SUSD6: variants seen among roughly 807,000 people sequenced by gnomAD.
SUSD6 encodes the protein sushi domain containing 6.
In SUSD6, 16 loss-of-function variants were observed where a neutral mutation model predicts 28.4. That is an observed-to-expected ratio of 0.56 (90% CI 0.38 to 0.86). The LOEUF is 0.86. Ranked by LOEUF, SUSD6 falls within the 40% of genes least tolerant of loss-of-function variation. SUSD6 has a pLI of 0.00. For synonymous variants in SUSD6, 147 were observed against 159.6 expected (o/e 0.92, Z 0.59); for missense variants, 341 against 384.2 (o/e 0.89, Z 0.94).
chr14:69,683,831 C>T (rs951540553), intron 2 of SUSD6, among the ~76,000 whole-genome samples: 1 of 152,190 alleles, frequency 6.6e-6, no homozygotes, highest in Non-Finnish European at 1.5e-5. Flanking sequence ...AGGTGGGCTG[C>T]AGGAAGGAGC....
intron 2 of SUSD6, among the ~76,000 whole-genome samples, chr14:69,669,064 T>G: frequency 4.5e-4 from 1 of 2,230 alleles, no homozygotes; most frequent in East Asian, 3.6e-3. Flanking sequence ...TTTCTTTTCT[T>G]TTTTTTTTTT....
chr14:69,679,646 ATTC>A (rs544536358), intron 2 of SUSD6, among the ~76,000 whole-genome samples: 44 of 152,088 alleles, frequency 2.9e-4, no homozygotes, highest in African/African-American at 1.0e-3. Flanking sequence ...GCCCAAAACA[ATTC>A]TTCTTTCAAT....
chr14:69,662,172 G>A (rs1004356337), intron 2 of SUSD6, among the ~76,000 whole-genome samples: 1 of 152,104 alleles, frequency 6.6e-6, no homozygotes, highest in African/African-American at 2.4e-5. Context: ...AAAATATACA[G>A]CCTTGCTATC....
At chr14:69,620,815 A>G (rs1169010705) in intron 1 of SUSD6, among the ~76,000 whole-genome samples, 1 of 152,198 alleles carries the variant, frequency 6.6e-6, no homozygotes, top group Admixed American at 6.5e-5. Flanking sequence ...AGACCTTGAC[A>G]TATCCTATTT....
intron 2 of SUSD6, among the ~76,000 whole-genome samples, chr14:69,681,550 C>T (rs115338677): frequency 1.8e-4 from 27 of 152,136 alleles, no homozygotes; most frequent in Admixed American, 2.6e-4. Context: ...GAGAAGGGGA[C>T]GGCCCCGTAG....
intron 2 of SUSD6, among the ~76,000 whole-genome samples, chr14:69,675,490 C>A (rs1885893884): frequency 6.6e-6 from 1 of 151,914 alleles, no homozygotes; most frequent in Non-Finnish European, 1.5e-5. Flanking sequence ...ACTGTAGTCT[C>A]TGGGGCTTTC....
At chr14:69,664,039 C>T (rs989733683) in intron 2 of SUSD6, among the ~76,000 whole-genome samples, 5 of 150,892 alleles carry the variant, frequency 3.3e-5, no homozygotes, top group South Asian at 4.2e-4. Flanking sequence ...AGTACAGTGG[C>T]GCGATCTCGG....
rs114116294 is a variant in SUSD6 at position 69,704,905 on chromosome 14, C to A, written c.458+163C>A. ...TGTGTCAAACTCCTAGATGTGCCTA[C>A]CATTGTGCTTATTGCTTTGCATACA... On this transcript the variant is annotated intron_variant, in intron 4 of 5. Coordinates refer to ENST00000342745, the MANE Select transcript of SUSD6 (RefSeq NM_014734.4). Among the ~76,000 whole-genome samples, 1,285 of 152,218 alleles carry A rather than the reference C, an allele frequency of 8.4e-3. 13 individuals are homozygous for A. The highest frequency in any genetic ancestry group is 0.029 in the African/African-American group (1,221 of 41,512).
intron 2 of SUSD6, among the ~76,000 whole-genome samples, chr14:69,676,071 G>C (rs1471817999): frequency 6.6e-6 from 1 of 152,208 alleles, no homozygotes; most frequent in Admixed American, 6.5e-5. Flanking sequence ...ACAGTCTAAT[G>C]GGGGGAAAAG....
chr14:69,659,898 T>C (rs932098353), intron 2 of SUSD6, among the ~76,000 whole-genome samples: 3 of 152,052 alleles, frequency 2.0e-5, no homozygotes, highest in Admixed American at 1.3e-4. Flanking sequence ...CTTTGTGTGA[T>C]CTTCTAGACA....
chr14:69,687,931 T>C (rs928568888), intron 2 of SUSD6, among the ~76,000 whole-genome samples: 1 of 152,198 alleles, frequency 6.6e-6, no homozygotes, highest in African/African-American at 2.4e-5. Flanking sequence ...GAGTAGGGGC[T>C]TTTAGTCTCA....
At chr14:69,650,635 G>A (rs1566595182) in intron 1 of SUSD6, among the ~76,000 whole-genome samples, 1 of 152,096 alleles carries the variant, frequency 6.6e-6, no homozygotes, top group Non-Finnish European at 1.5e-5. Flanking sequence ...CAGGCACTTT[G>A]CCTCCTCCCC....
chr14:69,697,421 C>T (rs1048911660), intron 2 of SUSD6, among the ~76,000 whole-genome samples: 2 of 152,100 alleles, frequency 1.3e-5, no homozygotes, highest in African/African-American at 4.8e-5. Flanking sequence ...AAGATGGAGT[C>T]GCTGTCATTC....
intron 1 of SUSD6, among the ~76,000 whole-genome samples, chr14:69,657,908 G>A (rs919515006): frequency 3.9e-5 from 6 of 152,250 alleles, no homozygotes; most frequent in South Asian, 4.1e-4. Flanking sequence ...GCCTCCCCCC[G>A]TCTCATCTTT....
intron 2 of SUSD6, among the ~76,000 whole-genome samples, chr14:69,695,822 G>T (rs1477145888): frequency 6.6e-6 from 1 of 152,224 alleles, no homozygotes; most frequent in Non-Finnish European, 1.5e-5. Flanking sequence ...CTCAGATAGT[G>T]CCTGGCCTGT....
intron 1 of SUSD6, among the ~76,000 whole-genome samples, chr14:69,625,497 G>C (rs1005819724): frequency 1.3e-5 from 2 of 152,146 alleles, no homozygotes; most frequent in African/African-American, 4.8e-5. Context: ...TGTCAGAGTG[G>C]GTGGCAGCAA....
intron 2 of SUSD6, among the ~76,000 whole-genome samples, chr14:69,684,108 G>A (rs1276898030): frequency 2.6e-5 from 4 of 152,178 alleles, no homozygotes; most frequent in African/African-American, 7.2e-5. Flanking sequence ...GTCTCCTAGC[G>A]GACCCAGTGG....
chr14:69,702,574 T>C (rs918482424), intron 2 of SUSD6, among the ~76,000 whole-genome samples: 1 of 152,220 alleles, frequency 6.6e-6, no homozygotes, highest in Admixed American at 6.5e-5. Flanking sequence ...TTAAAGGCCA[T>C]GCAGCTCATG....
chr14:69,612,722 GC>G (rs2139585580), intron 1 of SUSD6, among the ~76,000 whole-genome samples: 1 of 152,352 alleles, frequency 6.6e-6, no homozygotes, highest in South Asian at 2.1e-4. Flanking sequence ...TCAGTGGCAG[GC>G]GACATGCTGG....
Sources: allele counts gnomAD v4.1 joint callset (sites outside exome capture counted in the v4.1 genomes callset), GRCh38; gene constraint gnomAD v4.1.1; transcripts MANE v1.5; gene names NCBI Gene and HGNC (gene_info 2026-07-23, HGNC 2026-07-21).